The following HUWE1 variants were observed in gnomAD, a reference collection of about 807,000 sequenced individuals.
The protein encoded by HUWE1 is E3 ubiquitin-protein ligase HUWE1.
HUWE1 carries 18 observed loss-of-function variants against 299.4 expected under a neutral mutation model. The observed-to-expected ratio is 0.06, with a 90% CI of 0.04 to 0.09. The LOEUF is 0.09. Among genes scored for constraint, HUWE1 ranks in the 10% least tolerant of loss-of-function variants. The pLI, the probability that HUWE1 is intolerant of heterozygous loss-of-function variation, is 1.00. For synonymous variants in HUWE1, 1,317 were observed against 1,286.1 expected (o/e 1.02, Z -0.51); for missense variants, 1,832 against 3,462.3 (o/e 0.53, Z 11.82).
intron 17 of HUWE1, chrX:53,625,958 T>C: frequency 2.6e-6 from 1 of 385,228 alleles, no homozygotes; most frequent in South Asian, 2.3e-5. Flanking sequence ...TGGAACCTGA[T>C]GCCCTTAATT....
chrX:53,544,137 AC>A (rs2061459812), intron 72 of HUWE1, among the ~76,000 whole-genome samples, 169 bp from the exon 73 acceptor site: 1 of 112,867 alleles, frequency 8.9e-6, no homozygotes, highest in South Asian at 3.6e-4. Flanking sequence ...ATTTACCATT[AC>A]AGATAAGGGC....
In HUWE1 at chrX:53,559,035, G is replaced by A; in HGVS notation, c.7941C>T (p.Ala2647=). The A allele has an allele frequency of 8.5e-7, 1 of 1,169,812 alleles. No homozygotes were observed. The highest frequency in any genetic ancestry group is 1.1e-6 in the Non-Finnish European group (1 of 873,142). The change falls in exon 58 of 84, where the codon GCC becomes GCT. Residue 2647 remains alanine (A), a synonymous_variant. Transcript: ENST00000262854. ...TGCATTCTTCTGTCCAGCGGGTCAG[G>A]GCTGTGGGGATGCTGGACAGGGTTC... The part of the protein sequence containing the change: ...QAGTLSSIPT[A]LTRWTEECKV...
At chrX:53,535,888 A>G in intron 80 of HUWE1, 3 of 379,078 alleles carry the variant, frequency 7.9e-6, no homozygotes, top group Non-Finnish European at 1.4e-5. Context: ...TTCTACAAAG[A>G]CCTACCCTTG....
intron 4 of HUWE1, among the ~76,000 whole-genome samples, chrX:53,651,577 A>G (rs2068474058): frequency 9.0e-6 from 1 of 111,698 alleles, no homozygotes; most frequent in South Asian, 3.8e-4. Flanking sequence ...TTGCTTCAAA[A>G]TTTCTATTTT....
At chrX:53,576,817 T>G (rs1001198278) in intron 44 of HUWE1, 83 bp downstream of exon 44, 13 of 1,009,810 alleles carry the variant, frequency 1.3e-5, no homozygotes, top group African/African-American at 9.4e-5. Flanking sequence ...GAGTGCTCAC[T>G]AAGCCATGAG....
chrX:53,584,071 G>GC (rs1158742192), intron 41 of HUWE1, 115 bp downstream of exon 41: 2 of 819,492 alleles, frequency 2.4e-6, no homozygotes, highest in East Asian at 6.3e-5. Flanking sequence ...CATAAGGGAG[G>GC]CCTACGTATC....
chrX:53,571,088 A>G (rs1459747154), intron 47 of HUWE1, among the ~76,000 whole-genome samples: 1 of 112,050 alleles, frequency 8.9e-6, no homozygotes, highest in Non-Finnish European at 1.9e-5. Context: ...CAAGTTACTT[A>G]CCTCTTTGAG....
intron 19 of HUWE1, among the ~76,000 whole-genome samples, chrX:53,621,600 T>C (rs782194242): frequency 5.2e-4 from 57 of 108,683 alleles, no homozygotes; most frequent in African/African-American, 1.9e-3. Context: ...TAACTCATCA[T>C]AACTCCACTG....
intron 3 of HUWE1, among the ~76,000 whole-genome samples, chrX:53,676,003 T>C (rs1557051006): frequency 9.0e-6 from 1 of 111,156 alleles, no homozygotes; most frequent in Non-Finnish European, 1.9e-5. Flanking sequence ...GAAAAACTAC[T>C]CTATGGAACA....
intron 17 of HUWE1, chrX:53,625,864 C>T (rs1450285056): frequency 1.3e-5 from 3 of 231,299 alleles, no homozygotes; most frequent in African/African-American, 3.0e-5. Context: ...GGGCCGGGGC[C>T]GGGGCCGGGG....
intron 81 of HUWE1, 100 bp from the exon 82 acceptor site, chrX:53,534,797 C>G: frequency 2.8e-6 from 2 of 711,484 alleles, no homozygotes; most frequent in South Asian, 2.5e-5. Context: ...TTAGCTGGGA[C>G]TACAGGCATG....
Position 53,565,377 on chromosome X carries a change from T to G in HUWE1, c.6708-138A>C, listed in dbSNP as rs187614441. On this transcript the variant is annotated intron_variant, in intron 49 of 83. Coordinates refer to ENST00000262854, the MANE Select transcript of HUWE1 (RefSeq NM_031407.7). ...GGTCGTACAACTAACACTCTACTTT[T>G]GTTTAGAAAAAAAAAATTTTGACTT... 2.8e-5 allele frequency: 17 copies of G among 597,612 alleles called. No homozygotes were observed. The East Asian group carries it at 5.4e-4, about 19-fold the overall frequency. 49.2% of individuals were successfully genotyped at this position (597,612 alleles called of 1,213,427 possible).
chrX:53,648,376 G>C (rs2068207299), intron 4 of HUWE1, 66 bp from the exon 5 acceptor site: 11 of 650,425 alleles, frequency 1.7e-5, no homozygotes, highest in Non-Finnish European at 2.7e-5. Context: ...AGGAGAATCA[G>C]AAAAGGAACC....
intron 19 of HUWE1, among the ~76,000 whole-genome samples, chrX:53,618,565 CTTT>C (rs1158947305): frequency 1.1e-5 from 1 of 88,884 alleles, no homozygotes. Flanking sequence ...TAAGAATTTT[CTTT>C]TTTTTTTTTT....
intron 29 of HUWE1, among the ~76,000 whole-genome samples, chrX:53,598,742 T>A (rs1355065067): frequency 1.8e-5 from 2 of 111,703 alleles, no homozygotes; most frequent in Non-Finnish European, 3.8e-5. Context: ...GATTTCTGAC[T>A]GTGTGGAGGA....
chrX:53,676,937 T>C (rs782302505), intron 3 of HUWE1, among the ~76,000 whole-genome samples: 1 of 111,223 alleles, frequency 9.0e-6, no homozygotes, highest in African/African-American at 3.3e-5. Flanking sequence ...AAATAAAAGA[T>C]GAGGGGAAAC....
At position 53,648,257 on chromosome X, in the gene HUWE1, T is replaced by C. The variant is rs61743595; in HGVS notation, c.99A>G (p.Gln33=). The C allele has an allele frequency of 2.1e-3, 2,534 of 1,203,259 alleles. 42 individuals carry two copies. The African/African-American group carries it at 0.04, about 19-fold the overall frequency. ...IDKLKVCNDE[Q]LLLELQQIKT... ...TGATCTGCTGCAGTTCCAAGAGAAGTTGCTCATCATTACAAACTTTGAGTT... is the reference window on the plus strand; with the variant it reads ...TGATCTGCTGCAGTTCCAAGAGAAGCTGCTCATCATTACAAACTTTGAGTT... Residue 33 remains glutamine, a synonymous_variant, in exon 5 of 84, where the codon CAA becomes CAG. Coordinates refer to ENST00000262854, the MANE Select transcript of HUWE1 (RefSeq NM_031407.7).
intron 32 of HUWE1, 54 bp downstream of exon 32, chrX:53,593,310 G>A: frequency 1.2e-6 from 1 of 867,016 alleles, no homozygotes; most frequent in Non-Finnish European, 1.7e-6. Flanking sequence ...AAAATAGAGT[G>A]GGAACGACTT....
chrX:53,645,073 T>C (rs1224423436), intron 7 of HUWE1, among the ~76,000 whole-genome samples: 2 of 112,360 alleles, frequency 1.8e-5, no homozygotes, highest in Non-Finnish European at 3.8e-5. Context: ...GAAGTGAAAT[T>C]GCCACTTTTG....
Sources: allele counts gnomAD v4.1 joint callset (sites outside exome capture counted in the v4.1 genomes callset), GRCh38; gene constraint gnomAD v4.1.1; transcripts MANE v1.5; gene names NCBI Gene and HGNC (gene_info 2026-07-23, HGNC 2026-07-21).